RBFOX1: variants seen among roughly 807,000 people sequenced by gnomAD.
RBFOX1 encodes RNA binding protein fox-1 homolog 1.
A neutral mutation model predicts 57.7 loss-of-function variants in RBFOX1; 8 were observed. The ratio of observed to expected loss-of-function variants is 0.14; its 90% CI spans 0.08 to 0.25. The LOEUF (loss-of-function observed/expected upper bound fraction) is 0.25, where lower values mean the gene tolerates loss of function less well. RBFOX1 is among the 10% of genes least tolerant of loss of function. The pLI, the probability that RBFOX1 is intolerant of heterozygous loss-of-function variation, is 1.00. For synonymous variants in RBFOX1, 326 were observed against 222.4 expected (o/e 1.47, Z -4.15); for missense variants, 611 against 548.5 (o/e 1.11, Z -1.14).
chr16:6,402,366 A>T (rs1596645846), intron 2 of RBFOX1, among the ~76,000 whole-genome samples: 1 of 152,224 alleles, frequency 6.6e-6, no homozygotes, highest in East Asian at 1.9e-4. Flanking sequence ...AAACGTGGAT[A>T]TTTAGGTGTG....
Position 6,248,887 on chromosome 16 carries a change from C to T in RBFOX1, c.-126-68108C>T, listed in dbSNP as rs200972124. Reference sequence around the variant, plus strand: ...AGAGCTTACAAGAGCACCTGGCACACGGGGAGTGCTCAGAGAGCATTTGCT... The same window carrying T: ...AGAGCTTACAAGAGCACCTGGCACATGGGGAGTGCTCAGAGAGCATTTGCT... On this transcript the variant is annotated intron_variant, in intron 1 of 15. Transcript: ENST00000550418. Among the ~76,000 whole-genome samples, 36 of 152,210 alleles carry T rather than the reference C, an allele frequency of 2.4e-4. No individual in the cohort carries two copies. The East Asian group carries it at 2.7e-3, about 11-fold the overall frequency.
intron 10 of RBFOX1, among the ~76,000 whole-genome samples, chr16:7,624,219 TC>T (rs2142187850): frequency 6.6e-6 from 1 of 152,352 alleles, no homozygotes; most frequent in African/African-American, 2.4e-5. Context: ...AAAAGCTTTT[TC>T]TTTATGTAGA....
chr16:5,917,481 G>C (rs963104134), intron 4 of RBFOX1, among the ~76,000 whole-genome samples: 3 of 152,150 alleles, frequency 2.0e-5, no homozygotes, highest in African/African-American at 7.2e-5. Context: ...CTGTCGGATC[G>C]GGACCTCATA....
intron 3 of RBFOX1, among the ~76,000 whole-genome samples, chr16:6,839,964 T>G (rs2093366965): frequency 6.6e-6 from 1 of 152,230 alleles, no homozygotes; most frequent in Non-Finnish European, 1.5e-5. Context: ...TTTCCTGTTT[T>G]CTTTTTAAAA....
intron 2 of RBFOX1, among the ~76,000 whole-genome samples, chr16:6,394,881 G>A (rs145273299): frequency 1.6e-4 from 24 of 152,272 alleles, no homozygotes; most frequent in Non-Finnish European, 2.4e-4. Flanking sequence ...GCTGTGTATC[G>A]TGGTGAGAAA....
intron 2 of RBFOX1, among the ~76,000 whole-genome samples, chr16:6,535,768 C>G (rs1342545441): frequency 6.6e-6 from 1 of 152,216 alleles, no homozygotes; most frequent in Non-Finnish European, 1.5e-5. Context: ...CTATCACAAC[C>G]AGCATATGTG....
chr16:5,466,816 C>T (rs541188618), intron 1 of RBFOX1, among the ~76,000 whole-genome samples: 1 of 151,458 alleles, frequency 6.6e-6, no homozygotes, highest in African/African-American at 2.4e-5. Flanking sequence ...TGGAAGTCTC[C>T]TTCTTGTCAT....
chr16:7,000,073 G>GAAA (rs58878438), intron 3 of RBFOX1, among the ~76,000 whole-genome samples: 21 of 134,826 alleles, frequency 1.6e-4, no homozygotes, highest in Admixed American at 3.0e-4. Flanking sequence ...CTGTTTCAAA[G>GAAA]AAAAAAAAAA....
chr16:7,077,234 G>A (rs935863156), intron 4 of RBFOX1, among the ~76,000 whole-genome samples: 1 of 152,206 alleles, frequency 6.6e-6, no homozygotes, highest in Non-Finnish European at 1.5e-5. Flanking sequence ...CAATCCATGA[G>A]GGGAAATGTT....
At chr16:6,104,647 G>A (rs993707481) in intron 1 of RBFOX1, among the ~76,000 whole-genome samples, 1 of 152,108 alleles carries the variant, frequency 6.6e-6, no homozygotes, top group Non-Finnish European at 1.5e-5. Context: ...GCCCAGAAGT[G>A]TAAGCAGTCA....
At chr16:5,498,238 G>A (rs72761043) in intron 2 of RBFOX1, among the ~76,000 whole-genome samples, 40 of 152,288 alleles carry the variant, frequency 2.6e-4, no homozygotes, top group Admixed American at 8.5e-4. Flanking sequence ...TGCTTCCCAC[G>A]TTCAAGCAGT....
chr16:5,639,853 C>G (rs1012398800), intron 3 of RBFOX1, among the ~76,000 whole-genome samples: 5 of 152,192 alleles, frequency 3.3e-5, no homozygotes, highest in African/African-American at 9.6e-5. Flanking sequence ...TCATCTTGTG[C>G]CTTTGAAGCC....
intron 4 of RBFOX1, among the ~76,000 whole-genome samples, chr16:7,086,884 T>A (rs994288684): frequency 2.0e-5 from 3 of 152,228 alleles, no homozygotes; most frequent in African/African-American, 4.8e-5. Flanking sequence ...GCTTTTGATT[T>A]GCTGAATTGG....
chr16:6,643,623 A>G (rs982096537), intron 2 of RBFOX1, among the ~76,000 whole-genome samples: 5 of 152,204 alleles, frequency 3.3e-5, no homozygotes, highest in African/African-American at 4.8e-5. Context: ...ATTCAAGCAC[A>G]GTATATTGTG....
At chr16:5,515,618 A>G (rs144735383) in intron 2 of RBFOX1, among the ~76,000 whole-genome samples, 32 of 152,338 alleles carry the variant, frequency 2.1e-4, no homozygotes, top group East Asian at 9.6e-4. Context: ...TGCCTGATCA[A>G]TTTGGGTACG....
At chr16:7,438,645 T>A (rs1181679843) in intron 4 of RBFOX1, among the ~76,000 whole-genome samples, 1 of 152,210 alleles carries the variant, frequency 6.6e-6, no homozygotes, top group Non-Finnish European at 1.5e-5. Flanking sequence ...ATGCATTCTC[T>A]TACTGAATTT....
At chr16:5,432,042 C>T (rs1437940679) in intron 1 of RBFOX1, among the ~76,000 whole-genome samples, 1 of 152,032 alleles carries the variant, frequency 6.6e-6, no homozygotes, top group Non-Finnish European at 1.5e-5. Context: ...TGGTTCTCTC[C>T]TGGAGGTAAT....
At chr16:6,015,861 T>A (rs372485431), upstream of RBFOX1, among the ~76,000 whole-genome samples, 1 of 152,252 alleles carries the variant, frequency 6.6e-6, no homozygotes, top group Non-Finnish European at 1.5e-5. Context: ...TTTATGTGTC[T>A]GCATATGCTA....
intron 3 of RBFOX1, among the ~76,000 whole-genome samples, chr16:6,841,567 C>G (rs1391719518): frequency 1.3e-5 from 2 of 152,168 alleles, no homozygotes; most frequent in Non-Finnish European, 1.5e-5. Flanking sequence ...CAGGCCCTTT[C>G]TCCTACGAGC....
Sources: gnomAD v4.1 joint callset for allele counts (sites outside exome capture counted in the v4.1 genomes callset) on GRCh38, gnomAD v4.1.1 for gene constraint, MANE v1.5 for transcripts, NCBI Gene and HGNC (gene_info 2026-07-23, HGNC 2026-07-21) for gene names.